Variants in PHEX observed in about 807,000 individuals in gnomAD.
PHEX encodes the protein phosphate-regulating neutral endopeptidase PHEX.
PHEX carries 16 observed loss-of-function variants against 68.0 expected under a neutral mutation model. The observed-to-expected ratio is 0.24, with a 90% CI of 0.16 to 0.36. PHEX has a LOEUF of 0.36. Among genes scored for constraint, PHEX ranks in the 10% least tolerant of loss-of-function variants. The pLI, the probability that PHEX is intolerant of heterozygous loss-of-function variation, is 1.00. For synonymous variants in PHEX, 208 were observed against 205.1 expected (o/e 1.01, Z -0.12); for missense variants, 480 against 575.5 (o/e 0.83, Z 1.70).
At chrX:22,084,637 T>A (rs182870758) in intron 5 of PHEX, among the ~76,000 whole-genome samples, 130 of 108,307 alleles carry the variant, frequency 1.2e-3, no homozygotes, top group African/African-American at 4.1e-3. Context: ...AGTCCTGGGC[T>A]TTTCTTTGAT....
intron 9 of PHEX, among the ~76,000 whole-genome samples, chrX:22,109,299 T>C (rs1159995051): frequency 4.4e-5 from 5 of 112,533 alleles, no homozygotes; most frequent in Non-Finnish European, 9.4e-5. Flanking sequence ...GTCATTGTTG[T>C]ATTAACCAAA....
At chrX:22,117,289 G>A (rs1204487904) in intron 11 of PHEX, among the ~76,000 whole-genome samples, 2 of 111,438 alleles carry the variant, frequency 1.8e-5, no homozygotes, top group South Asian at 3.8e-4. Flanking sequence ...TTTGCATCTC[G>A]TTATTGGGCC....
At chrX:22,143,586 C>T (rs1932557213) in intron 12 of PHEX, among the ~76,000 whole-genome samples, 1 of 112,195 alleles carries the variant, frequency 8.9e-6, no homozygotes, top group African/African-American at 3.2e-5. Context: ...TCCCCCAGCT[C>T]CTGACAACTA....
chrX:22,098,924 A>G, intron 8 of PHEX, 82 bp from the exon 9 acceptor site: 6 of 845,817 alleles, frequency 7.1e-6, no homozygotes, highest in Non-Finnish European at 1.0e-5. Flanking sequence ...GAAATGAATG[A>G]TGCTCAATCT....
At chrX:22,062,417 T>C (rs1425002472) in intron 3 of PHEX, among the ~76,000 whole-genome samples, 3 of 111,889 alleles carry the variant, frequency 2.7e-5, no homozygotes, top group African/African-American at 6.5e-5. Flanking sequence ...TGGGATGATA[T>C]ATTTTATCTA....
intron 15 of PHEX, among the ~76,000 whole-genome samples, chrX:22,209,501 GT>G (rs758564770): frequency 7.1e-4 from 71 of 100,650 alleles, no homozygotes; most frequent in African/African-American, 1.3e-3. Flanking sequence ...ATAGTTACTC[GT>G]TTTTTTTTTT....
chrX:22,186,001 C>A (rs1934022357), intron 14 of PHEX, among the ~76,000 whole-genome samples: 1 of 110,824 alleles, frequency 9.0e-6, no homozygotes, highest in African/African-American at 3.3e-5. Flanking sequence ...GGTGATCTGC[C>A]CACCTCAGCC....
chrX:22,205,195 T>C (rs1304216111), intron 15 of PHEX, among the ~76,000 whole-genome samples: 1 of 112,276 alleles, frequency 8.9e-6, no homozygotes. Context: ...ATGTGTATGC[T>C]GGTCCACACA....
At chrX:22,235,801 A>G (rs1935955354) in intron 20 of PHEX, among the ~76,000 whole-genome samples, 1 of 111,416 alleles carries the variant, frequency 9.0e-6, no homozygotes, top group East Asian at 2.8e-4. Flanking sequence ...GATTATCCCA[A>G]CAGCCTTATG....
At chrX:22,123,827 C>CTTTTT (rs1282832525) in intron 11 of PHEX, among the ~76,000 whole-genome samples, 1 of 101,145 alleles carries the variant, frequency 9.9e-6, no homozygotes, top group African/African-American at 4.3e-5. Flanking sequence ...AATATAATTT[C>CTTTTT]TTTTTCTTTT....
At chrX:22,105,929 C>G (rs972541081) in intron 9 of PHEX, among the ~76,000 whole-genome samples, 1 of 111,671 alleles carries the variant, frequency 9.0e-6, no homozygotes. Flanking sequence ...CATCCCAAAT[C>G]TAAAAATTAA....
chrX:22,065,806 G>A (rs190130477), intron 3 of PHEX, among the ~76,000 whole-genome samples: 166 of 112,170 alleles, frequency 1.5e-3, no homozygotes, highest in African/African-American at 5.1e-3. Flanking sequence ...ATTCTGTGAT[G>A]TCAGCAGTCA....
At chrX:22,206,710 G>A (rs888506509) in intron 15 of PHEX, among the ~76,000 whole-genome samples, 9 of 111,294 alleles carry the variant, frequency 8.1e-5, no homozygotes, top group African/African-American at 2.3e-4. Context: ...GAGGCGTAGG[G>A]CAAAAGGAAA....
chrX:22,111,025 G>A (rs1055076965), intron 9 of PHEX, among the ~76,000 whole-genome samples: 1 of 112,417 alleles, frequency 8.9e-6, no homozygotes, highest in African/African-American at 3.2e-5. Context: ...GACTTGAGGA[G>A]AATGTGCAAA....
chrX:22,044,772 ATG>A (rs1375475935), intron 2 of PHEX, among the ~76,000 whole-genome samples: 1 of 111,519 alleles, frequency 9.0e-6, no homozygotes, highest in East Asian at 2.8e-4. Flanking sequence ...GTAATTAAAA[ATG>A]TAATTAGAGA....
At chrX:22,197,544 C>T (rs772888079) in intron 15 of PHEX, among the ~76,000 whole-genome samples, 9 of 110,825 alleles carry the variant, frequency 8.1e-5, no homozygotes, top group Non-Finnish European at 1.1e-4. Flanking sequence ...CATGTGAGTG[C>T]GCCATCTTGG....
chrX:22,133,743 A>G (rs1394761336), intron 12 of PHEX, 119 bp downstream of exon 12: 3 of 541,970 alleles, frequency 5.5e-6, no homozygotes, highest in Non-Finnish European at 9.4e-6. Flanking sequence ...GAATGACCCC[A>G]GAGTTAGCTG....
At chrX:22,209,379 C>G (rs954899188) in intron 15 of PHEX, among the ~76,000 whole-genome samples, 8 of 111,303 alleles carry the variant, frequency 7.2e-5, no homozygotes. Flanking sequence ...GGTGTCACAG[C>G]TGTATGTATG....
intron 16 of PHEX, 123 bp downstream of exon 16, chrX:22,213,081 G>A (rs1217082466): frequency 1.7e-6 from 1 of 586,895 alleles, no homozygotes; most frequent in Non-Finnish European, 3.0e-6. Context: ...ATCTGGCGTG[G>A]GTCGCCTGTA....
Sources: allele counts gnomAD v4.1 joint callset (sites outside exome capture counted in the v4.1 genomes callset), GRCh38; gene constraint gnomAD v4.1.1; transcripts MANE v1.5; gene names NCBI Gene and HGNC (gene_info 2026-07-23, HGNC 2026-07-21).